NAALADL1: variants seen among roughly 807,000 people sequenced by gnomAD.
NAALADL1 encodes N-acetylated alpha-linked acidic dipeptidase like 1, also known as aminopeptidase NAALADL1.
In NAALADL1, 77 loss-of-function variants were observed where a neutral mutation model predicts 82.8. The observed-to-expected ratio is 0.93, with a 90% CI of 0.77 to 1.12. NAALADL1 has a LOEUF of 1.12. NAALADL1 is among the 50% of genes most tolerant of loss of function. NAALADL1 has a pLI of 0.00. For synonymous variants in NAALADL1, 358 were observed against 399.2 expected (o/e 0.90, Z 1.23); for missense variants, 956 against 964.0 (o/e 0.99, Z 0.11).
At chr11:65,045,971 C>G (rs1946711819) in intron 16 of NAALADL1, 56 bp downstream of exon 16, 1 of 1,611,758 alleles carries the variant, frequency 6.2e-7, no homozygotes, top group Non-Finnish European at 8.5e-7. Flanking sequence ...AGCTACCAGC[C>G]TGGTATCCTG....
At chr11:65,056,655 C>T (rs1272750072) in intron 4 of NAALADL1, among the ~76,000 whole-genome samples, 1 of 151,748 alleles carries the variant, frequency 6.6e-6, no homozygotes, top group East Asian at 1.9e-4. Flanking sequence ...AATCCGCCTG[C>T]CTTGGCCCCG....
intron 11 of NAALADL1, 118 bp downstream of exon 11, chr11:65,047,863 C>A: frequency 6.8e-7 from 1 of 1,464,704 alleles, no homozygotes; most frequent in South Asian, 1.3e-5. Context: ...CAGCCTCAGT[C>A]CAGCCCCAGC....
chr11:65,057,883 T>C lies in NAALADL1; in HGVS notation c.472A>G (p.Thr158Ala). 3 of 1,613,608 alleles carry C rather than the reference T, an allele frequency of 1.9e-6. No individual in the cohort carries two copies. The highest frequency in any genetic ancestry group is 2.5e-6 in the Non-Finnish European group (3 of 1,179,906). Reference sequence around the variant, plus strand: ...GGGGGTTCTGGGCCCACCTGTGGGGTTCCAGAAGGAGCATAGGCAGCATAG... The same window carrying C: ...GGGGGTTCTGGGCCCACCTGTGGGGCTCCAGAAGGAGCATAGGCAGCATAG... ...QPYAAYAPSGTPQGLLVYANR... is the reference protein window; with the variant it reads ...QPYAAYAPSGAPQGLLVYANR... The change falls in exon 3 of 18, where the codon ACC becomes GCC. Residue 158 changes from threonine to alanine, a missense_variant. Physicochemically the swap from Thr to Ala is moderately conservative, Grantham distance 58. Coordinates refer to ENST00000358658, the MANE Select transcript of NAALADL1 (RefSeq NM_005468.3).
rs766161908 is a variant in NAALADL1, at chr11:65,047,679, G to A, written c.1476C>T (p.Asn492=). ...SIYDNWIRYF[N]RSSPVYGLVP... ...CCAGGCCGTACACCGGGCTGCTGCG[G>A]TTGAAGTACCGGATCCAGTTGTCGT... Residue 492 remains asparagine (N), a synonymous_variant, in exon 12 of 18, where the codon AAC becomes AAT. Transcript: ENST00000358658. 6.2e-7 allele frequency: 1 copy of A among 1,608,026 alleles called. No homozygotes were observed. The highest frequency in any genetic ancestry group is 1.3e-5 in the African/African-American group (1 of 75,002).
At chr11:65,050,376 G>C (rs1339554108) in intron 8 of NAALADL1, among the ~76,000 whole-genome samples, 1 of 151,718 alleles carries the variant, frequency 6.6e-6, no homozygotes, top group Non-Finnish European at 1.5e-5. Flanking sequence ...TACTCGGGAG[G>C]GTGAGGCAGA....
At position 65,052,357 on chromosome 11, in the gene NAALADL1, C is replaced by T. The variant is rs550737179; in HGVS notation, c.1198+861G>A. 1.2e-4 allele frequency among the ~76,000 whole-genome samples: 19 copies of T among 152,070 alleles called. 1 individual carries two copies. In the South Asian group the frequency reaches 2.9e-3, roughly 23 times the overall value. ...TAGACGGGGTCTTGCTCCATTCTCC[C>T]GGCTGGAGTGCAGTGGCGCGATCTC... On this transcript the variant is annotated intron_variant, in intron 8 of 17. Transcript: ENST00000358658.
chr11:65,055,238 A>C (rs1590770355), intron 4 of NAALADL1, among the ~76,000 whole-genome samples: 2 of 152,178 alleles, frequency 1.3e-5, no homozygotes, highest in Non-Finnish European at 2.9e-5. Flanking sequence ...TGAGGTCAAG[A>C]CCAGCCTGGC....
chr11:65,055,618 TAG>T (rs1364177900), intron 4 of NAALADL1, among the ~76,000 whole-genome samples: 1 of 152,102 alleles, frequency 6.6e-6, no homozygotes, highest in African/African-American at 2.4e-5. Flanking sequence ...GGCAAATTCA[TAG>T]AGACAGAAAG....
chr11:65,053,329 C>G lies in NAALADL1; in HGVS notation c.1087G>C (p.Val363Leu). ...IRGAVEPDRY[V>L]LYGNHRDSWV... ...CTGTCTCGGTGGTTCCCATACAGCA[C>G]GTAGCGATCTGGCCAGAGGAAAAGG... The change falls in exon 8 of 18, where the codon GTG (valine) becomes CTG (leucine). Residue 363 changes from valine to leucine, a missense_variant. By Grantham distance (32) the Val-to-Leu change is conservative (BLOSUM62 1). Transcript: ENST00000358658. The surrounding 1 kb of genome is among the most constrained non-coding windows in gnomAD (Gnocchi z 4.3). 4 of 1,572,108 alleles carry G rather than the reference C, an allele frequency of 2.5e-6. No individual in the cohort carries two copies. Among genetic ancestry groups the G allele is most frequent in the Non-Finnish European group, 3.4e-6 (4 of 1,160,056 alleles).
At chr11:65,059,788 G>C (rs1947144578), upstream of NAALADL1, among the ~76,000 whole-genome samples, 1 of 152,230 alleles carries the variant, frequency 6.6e-6, no homozygotes, top group African/African-American at 2.4e-5. Context: ...CATGTGGTAA[G>C]TGCCCTGTAG....
Position 65,057,438 on chromosome 11 carries a change from GTCTGTAGC to G in NAALADL1, c.528_535del (p.Glu176AspfsTer7), listed in dbSNP as rs765913830. The G allele has an allele frequency of 6.2e-6, 10 of 1,614,100 alleles. 1 individual carries two copies. The highest frequency in any genetic ancestry group is 8.5e-6 in the Non-Finnish European group (10 of 1,180,042). On this transcript the variant is annotated frameshift_variant, in exon 4 of 18. Transcript: ENST00000358658. LOFTEE classifies it high-confidence loss of function. Reference sequence around the variant, plus strand: ...GGTGCCTTCAAGTTTGATGCCCTGAGTCTGTAGCTCCTTAAAGTCTTCTTCCGCGCCCC... The same window carrying G: ...GGTGCCTTCAAGTTTGATGCCCTGAGTCCTTAAAGTCTTCTTCCGCGCCCC...
intron 8 of NAALADL1, among the ~76,000 whole-genome samples, chr11:65,051,376 G>T (rs1045708002): frequency 4.7e-4 from 47 of 100,696 alleles, no homozygotes; most frequent in African/African-American, 1.7e-3. Flanking sequence ...CTTTTCTGTT[G>T]CCCAGGCTGG....
chr11:65,053,628 G>T lies in NAALADL1; in HGVS notation c.993-52C>A. On this transcript the variant is annotated intron_variant, in intron 6 of 17. Transcript: ENST00000358658. The surrounding 1 kb of genome is among the most constrained non-coding windows in gnomAD (Gnocchi z 4.3). ...ACTCTTGGCCTTGCCCACTGCCCCC[G>T]ACCCAGTGCAGGAGACACTGAGGCC... 2 of 1,484,880 alleles carry T rather than the reference G, an allele frequency of 1.3e-6. No homozygotes were observed. The highest frequency in any genetic ancestry group is 2.6e-5 in the South Asian group (2 of 77,224). The allele number at this position is 1,484,880 out of a possible 1,614,324, so 92.0% of individuals were successfully genotyped here.
chr11:65,051,731 A>G (rs377048604), intron 8 of NAALADL1, among the ~76,000 whole-genome samples: 1 of 152,052 alleles, frequency 6.6e-6, no homozygotes, highest in Non-Finnish European at 1.5e-5. Flanking sequence ...TTGAGTGGGT[A>G]TCGGTTCAAA....
rs768581497 is a variant in NAALADL1, at chr11:65,048,190, C to T, written c.1310G>A (p.Arg437His). The T allele has an allele frequency of 1.9e-6, 3 of 1,613,950 alleles. No individual in the cohort carries two copies. The highest frequency in any genetic ancestry group is 1.3e-5 in the African/African-American group (1 of 74,966). Residue 437 changes from arginine to histidine, a missense_variant, in exon 10 of 18, where the codon CGC (arginine) becomes CAC (histidine). Physicochemically the swap from Arg to His is conservative, Grantham distance 29. Transcript: ENST00000358658. Reference sequence around the variant, plus strand: ...GTCCACGTTGATGTAGGCCACCGTGCGCTCCTGCAGCTTGTTGAAGAACTC... The same window carrying T: ...GTCCACGTTGATGTAGGCCACCGTGTGCTCCTGCAGCTTGTTGAAGAACTC... ...TEEFFNKLQE[R>H]TVAYINVDIS...
rs894210937 is a variant in NAALADL1, at chr11:65,053,188, T to C, written c.1198+30A>G. On this transcript the variant is annotated intron_variant, in intron 8 of 17. Coordinates refer to ENST00000358658, the MANE Select transcript of NAALADL1 (RefSeq NM_005468.3). The surrounding 1 kb of genome is among the most constrained non-coding windows in gnomAD (Gnocchi z 4.3). Reference sequence around the variant, plus strand: ...GGAAGGGGACCTCCGGGGGCGAAGGTCCCTGGTCCAGGGGAGGGGGCCGCC... The same window carrying C: ...GGAAGGGGACCTCCGGGGGCGAAGGCCCCTGGTCCAGGGGAGGGGGCCGCC... The C allele has an allele frequency of 2.6e-6, 4 of 1,511,378 alleles. No homozygotes were observed. In the South Asian group the frequency reaches 3.8e-5, roughly 14 times the overall value. The allele number at this position is 1,511,378 out of a possible 1,614,324, so 93.6% of individuals were successfully genotyped here. A position where few individuals can be genotyped will look rare whatever the true frequency, so the allele number is the denominator to read the frequency against.
Position 65,047,532 on chromosome 11 carries a change from T to G in NAALADL1, c.1542A>C (p.Ala514=). The change falls in exon 13 of 18, where the codon GCA becomes GCC. Residue 514 remains alanine (A), a synonymous_variant. Transcript: ENST00000358658. The part of the protein sequence containing the change: ...LGSLGAGSDY[A]PFVHFLGISS... ...AGATGCCCAGGAAGTGAACGAAGGGTGCATAGTCGCTGCCAGCACCCAGAG... is the reference window on the plus strand; with the variant it reads ...AGATGCCCAGGAAGTGAACGAAGGGGGCATAGTCGCTGCCAGCACCCAGAG... 3 of 1,571,424 alleles carry G rather than the reference T, an allele frequency of 1.9e-6. No individual in the cohort carries two copies. The East Asian group carries it at 7.1e-5, about 37-fold the overall frequency.
In NAALADL1 at chr11:65,054,309, C is replaced by A; in HGVS notation, c.933G>T (p.Leu311=). ...TLAPATWQGA[L]GCHYRLGPGF... ...CGGGACCCAACCTGTAGTGGCAGCC[C>A]AGTGCTCCCTGCCAGGTGGCTGGGG... The change falls in exon 6 of 18, where the codon CTG becomes CTT. Residue 311 remains leucine (L), a synonymous_variant. Transcript: ENST00000358658. The surrounding 1 kb of genome is among the most constrained non-coding windows in gnomAD (Gnocchi z 4.3). The A allele has an allele frequency of 6.2e-7, 1 of 1,614,092 alleles. No individual in the cohort carries two copies. The highest frequency in any genetic ancestry group is 8.5e-7 in the Non-Finnish European group (1 of 1,180,004).
chr11:65,054,227 G>A lies in NAALADL1; in HGVS notation c.992+23C>T. 1 of 1,601,960 alleles carries A rather than the reference G, an allele frequency of 6.2e-7. No individual in the cohort carries two copies. Among genetic ancestry groups the A allele is most frequent in the Non-Finnish European group, 8.5e-7 (1 of 1,171,410 alleles). On this transcript the variant is annotated intron_variant, in intron 6 of 17. Coordinates refer to ENST00000358658, the MANE Select transcript of NAALADL1 (RefSeq NM_005468.3). This position sits in a 1 kb window ranked among gnomAD's most constrained non-coding sequence, Gnocchi z 4.3. The stretch of plus-strand genomic sequence containing the variant: ...GTTGGGGGAGAGGGCAACTGAGGGA[G>A]ACCTGGTCTGGCTGCATCTCACCTG...
Sources: allele counts gnomAD v4.1 joint callset (sites outside exome capture counted in the v4.1 genomes callset), GRCh38; gene constraint gnomAD v4.1.1; non-coding constraint Gnocchi (gnomAD v3.1); transcripts MANE v1.5; gene names NCBI Gene and HGNC (gene_info 2026-07-23, HGNC 2026-07-21).